ZNF473: variants seen among roughly 807,000 people sequenced by gnomAD.
ZNF473 encodes zinc finger protein 473, also known as zinc finger protein 100 homolog.
Under a neutral mutation model 11.1 loss-of-function variants are expected in ZNF473, and 4 were observed. The observed-to-expected ratio is 0.36, with a 90% CI of 0.18 to 0.82. ZNF473 has a LOEUF of 0.82. Ranked by LOEUF, ZNF473 falls within the 40% of genes least tolerant of loss-of-function variation. The probability of loss-of-function intolerance (pLI) is 0.49; values close to 1 mark genes in which losing one functional copy is unlikely to be tolerated. For missense variants in ZNF473, 854 were observed against 1,084.0 expected, an observed-to-expected ratio of 0.79 and a Z score of 2.98; for synonymous variants, 404 against 390.4, an observed-to-expected ratio of 1.03 and a Z score of -0.41.
In ZNF473 at chr19:50,044,339, G is replaced by A. The variant is rs533669915; in HGVS notation, c.227-331G>A. 4.6e-5 allele frequency among the ~76,000 whole-genome samples: 7 copies of A among 152,310 alleles called. No individual in the cohort carries two copies. In the South Asian group the frequency reaches 1.4e-3, roughly 32 times the overall value. On this transcript the variant is annotated intron_variant, in intron 4 of 4. Coordinates refer to ENST00000270617, the MANE Select transcript of ZNF473 (RefSeq NM_015428.4). The stretch of plus-strand genomic sequence containing the variant: ...GTGTTGTCTGGGATAGAGGATGCAG[G>A]ATATGAGGAGGAAGATTTTGGTGAC...
chr19:50,045,277 A>C lies in ZNF473; in HGVS notation c.834A>C (p.Thr278=), dbSNP rs752416974. The change falls in exon 5 of 5, where the codon ACA becomes ACC. Residue 278 remains threonine (T), a synonymous_variant. Coordinates refer to ENST00000270617, the MANE Select transcript of ZNF473 (RefSeq NM_015428.4). ...ATGGGACAACTTTTAGTCAGAGTAC[A>C]TACCTGTGGCATCAGAAAACTCACA... ...NEYGTTFSQS[T]YLWHQKTHTG... 5.6e-6 allele frequency: 9 copies of C among 1,614,100 alleles called. No individual in the cohort carries two copies. Among genetic ancestry groups the C allele is most frequent in the Non-Finnish European group, 7.6e-6 (9 of 1,180,056 alleles).
chr19:50,031,833 C>T (rs2077319744), intron 2 of ZNF473, among the ~76,000 whole-genome samples: 1 of 152,138 alleles, frequency 6.6e-6, no homozygotes, highest in South Asian at 2.1e-4. Context: ...GAAACCATCT[C>T]TCTATCTGGT....
chr19:50,029,959 C>T (rs117454435), intron 1 of ZNF473, among the ~76,000 whole-genome samples: 1,817 of 151,974 alleles, frequency 0.012, 15 homozygotes, highest in Non-Finnish European at 0.016. Context: ...TCAAGTGATT[C>T]TTTGCCTCAG....
Position 50,047,147 on chromosome 19 carries a change from A to G in ZNF473, c.*88A>G. 9.2e-7 allele frequency: 1 copy of G among 1,088,506 alleles called. No individual in the cohort carries two copies. The highest frequency in any genetic ancestry group is 1.3e-6 in the Non-Finnish European group (1 of 767,792). The allele number at this position is 1,088,506 out of a possible 1,614,324, so 67.4% of individuals were successfully genotyped here. ...CTATCCCATTGCAAGTTTCTCTCCAAATAAATGCATCTAAAGATTGATTAG... is the reference window on the plus strand; with the variant it reads ...CTATCCCATTGCAAGTTTCTCTCCAGATAAATGCATCTAAAGATTGATTAG... On this transcript the variant is annotated 3_prime_UTR_variant, in exon 5 of 5. Coordinates refer to ENST00000270617, the MANE Select transcript of ZNF473 (RefSeq NM_015428.4).
rs754839487 is a variant in ZNF473 at position 50,045,603 on chromosome 19, G to C, written c.1160G>C (p.Ser387Thr). The change falls in exon 5 of 5, where the codon AGT becomes ACT. Residue 387 changes from serine (S) to threonine (T), a missense_variant. By Grantham distance (58) the Ser-to-Thr change is moderately conservative (BLOSUM62 1). This residue lies in a region of ZNF473 where 668 missense variants were observed against 790.2 expected (regional missense o/e 0.85). Transcript: ENST00000270617. ...CQECGKIFRH[S>T]SLLIEHQALH... is the part of the protein sequence containing the mutation. ...GAGTGTGGGAAGATTTTTAGGCACA[G>C]TTCGCTGCTCATTGAACACCAGGCT... The C allele has an allele frequency of 2.3e-5, 37 of 1,614,048 alleles. No homozygotes were observed. In the South Asian group the frequency reaches 3.5e-4, roughly 15 times the overall value.
intron 1 of ZNF473, among the ~76,000 whole-genome samples, chr19:50,027,329 T>C (rs1228104825): frequency 6.6e-6 from 1 of 152,184 alleles, no homozygotes; most frequent in African/African-American, 2.4e-5. Context: ...TTCTGGTTTT[T>C]GGAGCATTTA....
Position 50,039,373 on chromosome 19 carries a change from G to A in ZNF473, c.136+86G>A. 1.3e-6 allele frequency: 2 copies of A among 1,533,042 alleles called. No homozygotes were observed. The highest frequency in any genetic ancestry group is 8.9e-7 in the Non-Finnish European group (1 of 1,127,914). 95.0% of individuals were successfully genotyped at this position (1,533,042 alleles called of 1,614,324 possible). A position where few individuals can be genotyped will look rare whatever the true frequency, so the allele number is the denominator to read the frequency against. On this transcript the variant is annotated intron_variant, in intron 3 of 4. Coordinates refer to ENST00000270617, the MANE Select transcript of ZNF473 (RefSeq NM_015428.4). The surrounding 1 kb of genome is among the most constrained non-coding windows in gnomAD (Gnocchi z 4.8). ...TCTACCACCCACAGGGTGAAGTCCTGGCTCCTGGGCTCCTCAGAATCAGCA... is the reference window on the plus strand; with the variant it reads ...TCTACCACCCACAGGGTGAAGTCCTAGCTCCTGGGCTCCTCAGAATCAGCA...
intron 2 of ZNF473, among the ~76,000 whole-genome samples, chr19:50,035,452 CGTGTGTGTGTGTGT>C (rs3222106): frequency 7.2e-6 from 1 of 138,390 alleles, no homozygotes; most frequent in South Asian, 2.5e-4. Flanking sequence ...TTCTTTCATA[CGTGTGTGTGTGTGT>C]GTGTGTGTGT....
At chr19:50,044,486 C>T (rs1978951198) in intron 4 of ZNF473, 184 bp from the exon 5 acceptor site, 5 of 572,448 alleles carry the variant, frequency 8.7e-6, no homozygotes, top group South Asian at 7.3e-5. Flanking sequence ...CCTATGGTTT[C>T]CCAACTCCCT....
At position 50,044,843 on chromosome 19, in the gene ZNF473, A is replaced by G. The variant is rs1285068219; in HGVS notation, c.400A>G (p.Arg134Gly). The G allele has an allele frequency of 2.5e-6, 4 of 1,614,118 alleles. No individual in the cohort carries two copies. Among genetic ancestry groups the G allele is most frequent in the Non-Finnish European group, 3.4e-6 (4 of 1,180,052 alleles). Residue 134 changes from arginine to glycine, a missense_variant, in exon 5 of 5, where the codon AGG becomes GGG. Transcript: ENST00000270617. ...GCTAGGCGATCCAGAAAGTCTTCTG[A>G]GGTCTGATATTGCCACCAACGGGGA... ...SLLGDPESLL[R>G]SDIATNGESP... is the part of the protein sequence containing the mutation.
chr19:50,033,753 T>C (rs2077330541), intron 2 of ZNF473, among the ~76,000 whole-genome samples: 1 of 152,282 alleles, frequency 6.6e-6, no homozygotes. Flanking sequence ...TCTCCCAGCT[T>C]CTGGAGGCTG....
chr19:50,047,008 G>A lies in ZNF473; in HGVS notation c.2565G>A (p.Ser855=), dbSNP rs1360121123. ...QRCQKAFRCH[S]SLSRHQRVHN... ...GCCAGAAAGCCTTTCGGTGCCACTCGAGCCTCAGCCGCCATCAGCGTGTAC... is the reference window on the plus strand; with the variant it reads ...GCCAGAAAGCCTTTCGGTGCCACTCAAGCCTCAGCCGCCATCAGCGTGTAC... The change falls in exon 5 of 5, where the codon TCG becomes TCA. Residue 855 remains serine (S), a synonymous_variant. Transcript: ENST00000270617. 3 of 1,613,916 alleles carry A rather than the reference G, an allele frequency of 1.9e-6. No homozygotes were observed. Among genetic ancestry groups the A allele is most frequent in the Non-Finnish European group, 8.5e-7 (1 of 1,180,024 alleles).
At position 50,046,363 on chromosome 19, in the gene ZNF473, C is replaced by T. The variant is rs1357149257; in HGVS notation, c.1920C>T (p.His640=). ...SASLIKLQSF[H]TKEHPFKCNE... The stretch of plus-strand genomic sequence containing the variant: ...CCCTTATCAAACTTCAGTCCTTCCA[C>T]ACAAAGGAGCACCCTTTTAAATGTA... The change falls in exon 5 of 5, where the codon CAC becomes CAT. Residue 640 remains histidine (H), a synonymous_variant. Coordinates refer to ENST00000270617, the MANE Select transcript of ZNF473 (RefSeq NM_015428.4). The surrounding 1 kb of genome is among the most constrained non-coding windows in gnomAD (Gnocchi z 5.9). The T allele has an allele frequency of 6.2e-7, 1 of 1,614,210 alleles. No individual in the cohort carries two copies. The highest frequency in any genetic ancestry group is 8.5e-7 in the Non-Finnish European group (1 of 1,180,034).
rs752986863 is a variant in ZNF473, at chr19:50,045,866, A to T, written c.1423A>T (p.Met475Leu). The T allele has an allele frequency of 1.1e-5, 18 of 1,614,124 alleles. No individual in the cohort carries two copies. The highest frequency in any genetic ancestry group is 1.4e-5 in the Non-Finnish European group (17 of 1,180,032). The stretch of plus-strand genomic sequence containing the variant: ...GAGTTTCAGCCGGCCCTCACATCTG[A>T]TGCGACATCAGGCCATTCACACCGC... ...VRSFSRPSHL[M>L]RHQAIHTAEK... Residue 475 changes from methionine (M) to leucine (L), a missense_variant, in exon 5 of 5, where the codon ATG (methionine) becomes TTG (leucine). By Grantham distance (15) the Met-to-Leu change is conservative. Coordinates refer to ENST00000270617, the MANE Select transcript of ZNF473 (RefSeq NM_015428.4).
At chr19:50,035,287 T>C (rs1268032351) in intron 2 of ZNF473, among the ~76,000 whole-genome samples, 2 of 150,996 alleles carry the variant, frequency 1.3e-5, no homozygotes, top group Non-Finnish European at 3.0e-5. Flanking sequence ...TGAGACCCTA[T>C]CTCAAAAAAA....
At chr19:50,026,446 G>A (rs1326892040) in intron 1 of ZNF473, among the ~76,000 whole-genome samples, 2 of 151,962 alleles carry the variant, frequency 1.3e-5, no homozygotes, top group Non-Finnish European at 2.9e-5. Flanking sequence ...AGCTACTCAG[G>A]AGGCTGAGGC....
chr19:50,037,563 G>A (rs1978517364), intron 2 of ZNF473, among the ~76,000 whole-genome samples: 1 of 151,882 alleles, frequency 6.6e-6, no homozygotes, highest in African/African-American at 2.4e-5. Flanking sequence ...GCTCATGCCT[G>A]TAATCCCAAC....
Position 50,045,182 on chromosome 19 carries a change from G to T in ZNF473, c.739G>T (p.Asp247Tyr), listed in dbSNP as rs748312194. 6.2e-7 allele frequency: 1 copy of T among 1,614,042 alleles called. No homozygotes were observed. Among genetic ancestry groups the T allele is most frequent in the Non-Finnish European group, 8.5e-7 (1 of 1,180,040 alleles). Residue 247 changes from aspartate (D) to tyrosine (Y), a missense_variant, in exon 5 of 5, where the codon GAC (aspartate) becomes TAC (tyrosine). Around this residue, in one of 2 missense-constraint regions of ZNF473, gnomAD observed 668 missense variants for 790.2 expected, o/e 0.85. Transcript: ENST00000270617. Reference protein sequence around the residue: ...TVHQECEQGFDRNASLSVYPK... With the variant: ...TVHQECEQGFYRNASLSVYPK... The stretch of plus-strand genomic sequence containing the variant: ...CCATCAAGAGTGTGAGCAAGGTTTT[G>T]ACCGGAATGCTTCCCTTTCTGTGTA...
rs1397490628 is a variant in ZNF473, at chr19:50,039,437, T to C, written c.136+150T>C. On this transcript the variant is annotated intron_variant, in intron 3 of 4. Transcript: ENST00000270617. The surrounding 1 kb of genome is among the most constrained non-coding windows in gnomAD (Gnocchi z 4.8). ...CAGTTCTCAGCTGGCCGAGGAGACA[T>C]TGGCAATGTGTGGAGACATTTTTGA... The C allele has an allele frequency of 2.3e-5, 25 of 1,082,012 alleles. No homozygotes were observed. The highest frequency in any genetic ancestry group is 1.3e-4 in the East Asian group (5 of 38,114). 67.0% of individuals were successfully genotyped at this position (1,082,012 alleles called of 1,614,324 possible).
Sources: gnomAD v4.1 joint callset for allele counts (sites outside exome capture counted in the v4.1 genomes callset) on GRCh38, gnomAD v4.1.1 for gene constraint, gnomAD v4.1.1 regional missense constraint, Gnocchi (gnomAD v3.1) non-coding constraint, MANE v1.5 for transcripts, NCBI Gene and HGNC (gene_info 2026-07-23, HGNC 2026-07-21) for gene names.